Variants in FREM1 observed in about 807,000 individuals in gnomAD.
FREM1 encodes FRAS1 related extracellular matrix 1.
In FREM1, 220 loss-of-function variants were observed where a neutral mutation model predicts 210.1. The ratio of observed to expected loss-of-function variants is 1.05; its 90% CI spans 0.94 to 1.17. The LOEUF (loss-of-function observed/expected upper bound fraction) is 1.17. Ranked by LOEUF, FREM1 falls within the 50% of genes most tolerant of loss-of-function variation. FREM1 has a pLI of 0.00. For missense variants in FREM1, 3,454 were observed against 2,675.5 expected, an observed-to-expected ratio of 1.29 and a Z score of -6.42; for synonymous variants, 1,189 against 980.2, an observed-to-expected ratio of 1.21 and a Z score of -3.98.
At chr9:14,853,042 G>A (rs936718509) in intron 5 of FREM1, among the ~76,000 whole-genome samples, 1 of 152,202 alleles carries the variant, frequency 6.6e-6, no homozygotes, top group Middle Eastern at 3.2e-3. Context: ...GCTTTGCTGC[G>A]TTGTGTTCAG....
Position 14,823,210 on chromosome 9 carries a change from C to T in FREM1, c.2287G>A (p.Gly763Arg), listed in dbSNP as rs1360160411. 6.2e-7 allele frequency: 1 copy of T among 1,613,930 alleles called. No homozygotes were observed. The highest frequency in any genetic ancestry group is 8.5e-7 in the Non-Finnish European group (1 of 1,179,838). ...VSNQHGGTLH[G>R]ICFNITILPV... ...AGGATTGTAATGTTAAAGCAGATCC[C>T]ATGCAAAGTACCGCCATGTTGGTTA... Residue 763 changes from glycine (G) to arginine (R), a missense_variant, in exon 13 of 37, where the codon GGG (glycine) becomes AGG (arginine). By Grantham distance (125) the Gly-to-Arg change is moderately radical. Coordinates refer to ENST00000380880, the MANE Select transcript of FREM1 (RefSeq NM_001379081.2).
chr9:14,874,746 C>A (rs1278937637), intron 1 of FREM1, among the ~76,000 whole-genome samples: 2 of 152,150 alleles, frequency 1.3e-5, no homozygotes, highest in African/African-American at 2.4e-5. Context: ...TTAGTTGATG[C>A]AGTTTCTTCC....
At chr9:14,867,157 GCC>G (rs1394121976) in intron 2 of FREM1, among the ~76,000 whole-genome samples, 2 of 152,154 alleles carry the variant, frequency 1.3e-5, no homozygotes, top group East Asian at 3.8e-4. Flanking sequence ...ACTGCAACCA[GCC>G]TGCATTTTCC....
In FREM1 at chr9:14,789,122, G is replaced by A. The variant is rs760201745; in HGVS notation, c.3982-8C>T. The A allele has an allele frequency of 7.7e-6, 12 of 1,563,984 alleles. No individual in the cohort carries two copies. The highest frequency in any genetic ancestry group is 9.5e-6 in the Non-Finnish European group (11 of 1,152,104). On this transcript the variant is annotated splice_region_variant and splice_polypyrimidine_tract_variant and intron_variant, in intron 22 of 36. Coordinates refer to ENST00000380880, the MANE Select transcript of FREM1 (RefSeq NM_001379081.2). ...AACCCAGTCCCTCCCTATCTGGAAG[G>A]AGCCAGAGTTAGTCAGCTGCTCATG...
At chr9:14,909,408 C>T (rs73417693) in intron 1 of FREM1, among the ~76,000 whole-genome samples, 1 of 152,196 alleles carries the variant, frequency 6.6e-6, no homozygotes, top group African/African-American at 2.4e-5. Flanking sequence ...CCAGCACTAT[C>T]TCTCTTCCCC....
Position 14,812,949 on chromosome 9 carries a change from A to T in FREM1, c.2756T>A (p.Val919Glu), listed in dbSNP as rs149558999. The change falls in exon 16 of 37, where the codon GTG (valine) becomes GAG (glutamate). Residue 919 changes from valine to glutamate, a missense_variant. By Grantham distance (121) the Val-to-Glu change is moderately radical (BLOSUM62 -2). Transcript: ENST00000380880. The stretch of plus-strand genomic sequence containing the variant: ...CATCAACTTCAAGTTATCGCTGTCC[A>T]CATCAGTAGCAAAAATGTATTCAGA... Reference protein sequence around the residue: ...ITSEYIFATDVDSDNLKLMFV... With the variant: ...ITSEYIFATDEDSDNLKLMFV... The T allele has an allele frequency of 6.2e-7, 1 of 1,613,984 alleles. No homozygotes were observed. Among genetic ancestry groups the T allele is most frequent in the East Asian group, 2.2e-5 (1 of 44,882 alleles).
chr9:14,898,571 G>T (rs1008907552), intron 1 of FREM1, among the ~76,000 whole-genome samples: 1 of 152,042 alleles, frequency 6.6e-6, no homozygotes, highest in South Asian at 2.1e-4. Context: ...GCGAAACCTC[G>T]TCACTACCAA....
At chr9:14,904,924 A>T (rs1297384118) in intron 1 of FREM1, among the ~76,000 whole-genome samples, 1 of 152,110 alleles carries the variant, frequency 6.6e-6, no homozygotes, top group African/African-American at 2.4e-5. Flanking sequence ...TCCATCTGCC[A>T]TGAATGCCCT....
chr9:14,747,376 T>C lies in FREM1; in HGVS notation c.5897A>G (p.Lys1966Arg), dbSNP rs1381372090. The C allele has an allele frequency of 1.2e-6, 2 of 1,613,690 alleles. No individual in the cohort carries two copies. The highest frequency in any genetic ancestry group is 1.7e-5 in the Admixed American group (1 of 59,986). Residue 1966 changes from lysine (K) to arginine (R), a missense_variant, in exon 33 of 37, where the codon AAA becomes AGA. By Grantham distance (26) the Lys-to-Arg change is conservative. Transcript: ENST00000380880. ...AATGATGGATACTTTGGCCTTCCTT[T>C]TGTGAGTTGGGAAACTGTCATCCTC... Reference protein sequence around the residue: ...KLEDDSFPTHKRKAKVSIISQ... With the variant: ...KLEDDSFPTHRRKAKVSIISQ...
chr9:14,876,522 C>T (rs2132038354), intron 1 of FREM1, among the ~76,000 whole-genome samples: 1 of 152,300 alleles, frequency 6.6e-6, no homozygotes, highest in East Asian at 1.9e-4. Context: ...ATGTTTTAAG[C>T]CCGTCGGAAA....
intron 24 of FREM1, among the ~76,000 whole-genome samples, chr9:14,778,189 A>G (rs1563905915): frequency 1.3e-5 from 2 of 152,186 alleles, no homozygotes; most frequent in Non-Finnish European, 2.9e-5. Flanking sequence ...AAAATCACAT[A>G]ATTTTCTCAA....
chr9:14,864,010 T>C, intron 2 of FREM1, 107 bp from the exon 3 acceptor site: 1 of 705,692 alleles, frequency 1.4e-6, no homozygotes, highest in South Asian at 1.6e-5. Context: ...GTTAGTAATG[T>C]GTGTATGTGT....
rs1435026755 is a variant in FREM1, at chr9:14,851,267, T to G, written c.1152+17A>C. ...GTGACTTCTAACTAGGCTGGAAGCT[T>G]TGTCTCTCCTTCTTACCTCATCATG... On this transcript the variant is annotated intron_variant, in intron 6 of 36. Coordinates refer to ENST00000380880, the MANE Select transcript of FREM1 (RefSeq NM_001379081.2). 1 of 1,543,060 alleles carries G rather than the reference T, an allele frequency of 6.5e-7. No individual in the cohort carries two copies. The highest frequency in any genetic ancestry group is 1.4e-5 in the African/African-American group (1 of 72,786).
chr9:14,827,487 A>G (rs1469392747), intron 10 of FREM1, among the ~76,000 whole-genome samples: 1 of 152,202 alleles, frequency 6.6e-6, no homozygotes, highest in Non-Finnish European at 1.5e-5. Flanking sequence ...ATACTAGAAG[A>G]CAGAAATGAA....
chr9:14,777,998 G>C (rs778242592), intron 24 of FREM1, among the ~76,000 whole-genome samples: 4 of 152,012 alleles, frequency 2.6e-5, no homozygotes, highest in Non-Finnish European at 5.9e-5. Flanking sequence ...TTGATGCAAA[G>C]AAAAAGAAAT....
chr9:14,888,089 C>T (rs1333347040), intron 1 of FREM1, among the ~76,000 whole-genome samples: 2 of 152,188 alleles, frequency 1.3e-5, no homozygotes, highest in African/African-American at 2.4e-5. Flanking sequence ...TGAGCCACCA[C>T]GTCTGGCCAA....
chr9:14,851,603 T>C lies in FREM1; in HGVS notation c.833A>G (p.Glu278Gly). 1 of 1,611,776 alleles carries C rather than the reference T, an allele frequency of 6.2e-7. No individual in the cohort carries two copies. Among genetic ancestry groups the C allele is most frequent in the Non-Finnish European group, 8.5e-7 (1 of 1,177,886 alleles). The change falls in exon 6 of 37, where the codon GAG (glutamate) becomes GGG (glycine). Residue 278 changes from glutamate (E) to glycine (G), a missense_variant. Glu to Gly is a moderately conservative substitution (Grantham distance 98). Coordinates refer to ENST00000380880, the MANE Select transcript of FREM1 (RefSeq NM_001379081.2). ...GATATAGACAGGCAGCCACGCACTC[T>C]CTGACTTTTGAAGGATAGAGAAAAT... ...DTRSKIVYKS[E>G]SAWLPVYIRA...
rs146900856 is a variant in FREM1, at chr9:14,840,406, A to G, written c.1881+1041T>C. On this transcript the variant is annotated intron_variant, in intron 10 of 36. Coordinates refer to ENST00000380880, the MANE Select transcript of FREM1 (RefSeq NM_001379081.2). ...AAAGAAAGAGATTTAATGGATGTAC[A>G]GTTCCACATGGCTGGGGAGGTCTCA... 1.2e-3 allele frequency among the ~76,000 whole-genome samples: 182 copies of G among 152,336 alleles called. 2 individuals carry two copies. The highest frequency in any genetic ancestry group is 4.0e-3 in the African/African-American group (165 of 41,578).
chr9:14,746,887 G>A (rs559569540), intron 34 of FREM1, 36 bp downstream of exon 34: 33 of 1,605,016 alleles, frequency 2.1e-5, no homozygotes, highest in African/African-American at 4.0e-5. Context: ...AGCACATTGC[G>A]AATAAAGGTG....
Sources: gnomAD v4.1 joint callset for allele counts (sites outside exome capture counted in the v4.1 genomes callset) on GRCh38, gnomAD v4.1.1 for gene constraint, MANE v1.5 for transcripts, NCBI Gene and HGNC (gene_info 2026-07-23, HGNC 2026-07-21) for gene names.